The following TENM3 variants were observed in gnomAD, a reference collection of about 807,000 sequenced individuals.
TENM3 encodes teneurin-3.
Under a neutral mutation model 255.1 loss-of-function variants are expected in TENM3, and 63 were observed. That is an observed-to-expected ratio of 0.25 (90% CI 0.20 to 0.30). The LOEUF is 0.30. Among genes scored for constraint, TENM3 ranks in the 10% least tolerant of loss-of-function variants. TENM3 has a pLI of 1.00. For synonymous variants in TENM3, 1,306 were observed against 1,322.3 expected (o/e 0.99, Z 0.27); for missense variants, 2,929 against 3,461.1 (o/e 0.85, Z 3.86).
At chr4:181,564,754 T>C in the TENM3 span, among the ~76,000 whole-genome samples, 2 of 152,156 alleles carry the variant, frequency 1.3e-5, no homozygotes, top group African/African-American at 4.8e-5. Flanking sequence ...CTCCCATAAT[T>C]TGCAAAATAT....
intron 7 of TENM3, 83 bp from the exon 8 acceptor site, chr4:182,679,583 G>A: frequency 9.1e-7 from 1 of 1,094,942 alleles, no homozygotes; most frequent in East Asian, 2.4e-5. Context: ...TAGAGCAAAG[G>A]AAGACAGATT....
intron 1 of TENM3, among the ~76,000 whole-genome samples, chr4:182,233,192 C>T (rs1317857687): frequency 6.6e-6 from 1 of 152,150 alleles, no homozygotes; most frequent in East Asian, 1.9e-4. Context: ...GAGCCCCAAA[C>T]AGCGGTGAGG....
chr4:182,157,068 C>A (rs898621474), intron 1 of TENM3, among the ~76,000 whole-genome samples: 1 of 152,156 alleles, frequency 6.6e-6, no homozygotes, highest in African/African-American at 2.4e-5. Context: ...GGGGGGTACC[C>A]AACCTAATGG....
intron 3 of TENM3, among the ~76,000 whole-genome samples, chr4:182,572,050 T>C (rs1456357204): frequency 1.3e-5 from 2 of 152,058 alleles, no homozygotes; most frequent in Non-Finnish European, 2.9e-5. Flanking sequence ...TACAGGCGCC[T>C]GCCACCACGC....
chr4:182,066,741 T>G, the TENM3 span, among the ~76,000 whole-genome samples: 1 of 151,716 alleles, frequency 6.6e-6, no homozygotes, highest in Non-Finnish European at 1.5e-5. Context: ...AAACCCCGTC[T>G]CCACTAAAAA....
intron 3 of TENM3, among the ~76,000 whole-genome samples, chr4:182,591,052 T>C (rs537651754): frequency 1.3e-5 from 2 of 152,292 alleles, no homozygotes; most frequent in Admixed American, 1.3e-4. Context: ...TTTTTGTTCA[T>C]GGATATAACT....
chr4:181,889,006 G>A, the TENM3 span, among the ~76,000 whole-genome samples: 1 of 151,798 alleles, frequency 6.6e-6, no homozygotes, highest in East Asian at 2.0e-4. Flanking sequence ...CCCCTCAAAC[G>A]CACCAAGGAA....
intron 3 of TENM3, among the ~76,000 whole-genome samples, chr4:182,473,545 T>TAGGCCACCACCAG (rs1733362450): frequency 6.6e-6 from 1 of 151,888 alleles, no homozygotes; most frequent in Admixed American, 6.6e-5. Flanking sequence ...TGGTGGCGGG[T>TAGGCCACCACCAG]GCCTGTAGTC....
chr4:182,749,701 T>G (rs538837161), intron 19 of TENM3, among the ~76,000 whole-genome samples: 1 of 152,242 alleles, frequency 6.6e-6, no homozygotes, highest in East Asian at 1.9e-4. Flanking sequence ...GTAATGAAGT[T>G]AGGACTTAAA....
chr4:182,640,075 C>T (rs1448412696), intron 5 of TENM3, among the ~76,000 whole-genome samples: 1 of 152,128 alleles, frequency 6.6e-6, no homozygotes, highest in Admixed American at 6.6e-5. Flanking sequence ...GGCAATAGAG[C>T]AAGACTCTGT....
chr4:182,593,975 A>AG (rs1348552483), intron 3 of TENM3, among the ~76,000 whole-genome samples: 1 of 151,312 alleles, frequency 6.6e-6, no homozygotes, highest in Non-Finnish European at 1.5e-5. Context: ...TTAGTCTTAA[A>AG]AAAAAAAAAA....
the TENM3 span, among the ~76,000 whole-genome samples, chr4:181,807,671 A>G: frequency 2.0e-5 from 3 of 152,202 alleles, no homozygotes; most frequent in Admixed American, 6.5e-5. Flanking sequence ...GAACATTTCT[A>G]TCATATCTTC....
At chr4:182,647,624 A>G (rs886414891) in intron 5 of TENM3, among the ~76,000 whole-genome samples, 18 of 152,152 alleles carry the variant, frequency 1.2e-4, no homozygotes, top group African/African-American at 3.9e-4. Flanking sequence ...CCATTCATCC[A>G]TTGATGGGCA....
At chr4:182,347,024 C>G in intron 3 of TENM3, 95 bp downstream of exon 3, 1 of 1,012,150 alleles carries the variant, frequency 9.9e-7, no homozygotes. Context: ...TTCTCTCCTT[C>G]CTCTCATCCT....
At chr4:181,957,999 T>G in the TENM3 span, among the ~76,000 whole-genome samples, 1 of 152,194 alleles carries the variant, frequency 6.6e-6, no homozygotes, top group Admixed American at 6.5e-5. Flanking sequence ...ATTTTTCCTA[T>G]CATATTATGA....
At chr4:181,848,576 T>C in the TENM3 span, among the ~76,000 whole-genome samples, 3 of 152,166 alleles carry the variant, frequency 2.0e-5, no homozygotes, top group African/African-American at 2.4e-5. Flanking sequence ...TGAGTGCTTT[T>C]ACCGTGACAG....
chr4:182,560,713 T>A (rs1743077454), intron 3 of TENM3, among the ~76,000 whole-genome samples: 1 of 152,178 alleles, frequency 6.6e-6, no homozygotes, highest in African/African-American at 2.4e-5. Context: ...GCACCACGTC[T>A]ATAGCAGCAG....
chr4:182,429,916 A>G (rs932215575), intron 3 of TENM3, among the ~76,000 whole-genome samples: 2 of 152,332 alleles, frequency 1.3e-5, no homozygotes, highest in East Asian at 1.9e-4. Flanking sequence ...TGACATGCGT[A>G]TATTACTCCT....
At chr4:182,356,943 C>T (rs1167566231) in intron 3 of TENM3, among the ~76,000 whole-genome samples, 1 of 145,982 alleles carries the variant, frequency 6.9e-6, no homozygotes, top group African/African-American at 2.5e-5. Context: ...GTTCAATTCT[C>T]ACCTATGAGT....
Sources: gnomAD v4.1 joint callset for allele counts (sites outside exome capture counted in the v4.1 genomes callset) on GRCh38, gnomAD v4.1.1 for gene constraint, MANE v1.5 for transcripts, NCBI Gene and HGNC (gene_info 2026-07-23, HGNC 2026-07-21) for gene names.